Variants in KLF7 observed in about 807,000 individuals in gnomAD.
KLF7 encodes Krueppel-like factor 7.
A neutral mutation model predicts 27.3 loss-of-function variants in KLF7; 2 were observed. The observed-to-expected ratio is 0.07, with a 90% CI of 0.03 to 0.23. KLF7 has a LOEUF of 0.23. KLF7 is among the 10% of genes least tolerant of loss of function. KLF7 has a pLI of 1.00. For missense variants in KLF7, 221 were observed against 394.1 expected (o/e 0.56, Z 3.72); for synonymous variants, 165 against 162.4 (o/e 1.02, Z -0.12).
intron 3 of KLF7, among the ~76,000 whole-genome samples, chr2:207,082,216 G>A (rs1269165735): frequency 6.6e-6 from 1 of 152,156 alleles, no homozygotes; most frequent in African/African-American, 2.4e-5. Flanking sequence ...ACAGTACTCT[G>A]CTAAACAACA....
rs1429523325 is a variant in KLF7 at position 207,164,655 on chromosome 2, T to G, written c.102+812A>C. On this transcript the variant is annotated intron_variant, in intron 1 of 3. Coordinates refer to ENST00000309446, the MANE Select transcript of KLF7 (RefSeq NM_003709.4). ...GCTAGCCAACTTGGCATCGGTGCCC[T>G]TCAGCATCCTGGGAGTTTCTTAACT... 5.3e-5 allele frequency among the ~76,000 whole-genome samples: 8 copies of G among 152,194 alleles called. No homozygotes were observed. The East Asian group carries it at 1.5e-3, about 29-fold the overall frequency.
chr2:207,075,967 G>A lies in KLF7; in HGVS notation c.*5246C>T, dbSNP rs1406297393. 5 of 152,000 alleles carry A rather than the reference G, an allele frequency of 3.3e-5. No individual in the cohort carries two copies. Among genetic ancestry groups the A allele is most frequent in the Non-Finnish European group, 7.4e-5 (5 of 68,004 alleles). 9.4% of individuals were successfully genotyped at this position (152,000 alleles called of 1,614,324 possible). A position where few individuals can be genotyped will look rare whatever the true frequency, so the allele number is the denominator to read the frequency against. On this transcript the variant is annotated 3_prime_UTR_variant, in exon 4 of 4. Coordinates refer to ENST00000309446, the MANE Select transcript of KLF7 (RefSeq NM_003709.4). Reference sequence around the variant, plus strand: ...CAGTCCAAAGGCCTAGGTTTAAAATGTCCCCTCTGCCCACCCCCAACCCCT... The same window carrying A: ...CAGTCCAAAGGCCTAGGTTTAAAATATCCCCTCTGCCCACCCCCAACCCCT...
chr2:207,092,843 C>A (rs1466990266), intron 2 of KLF7, among the ~76,000 whole-genome samples: 3 of 152,076 alleles, frequency 2.0e-5, no homozygotes, highest in Non-Finnish European at 4.4e-5. Context: ...AATATATATT[C>A]AATAGACCAA....
At chr2:207,111,371 AG>A (rs1425111335) in intron 2 of KLF7, among the ~76,000 whole-genome samples, 1 of 152,218 alleles carries the variant, frequency 6.6e-6, no homozygotes, top group African/African-American at 2.4e-5. Context: ...TTTTGAGCAC[AG>A]GGTGTCCAGC....
At chr2:207,081,766 A>G (rs2076277393) in intron 3 of KLF7, among the ~76,000 whole-genome samples, 1 of 151,172 alleles carries the variant, frequency 6.6e-6, no homozygotes, top group Non-Finnish European at 1.5e-5. Flanking sequence ...CAACACCCAG[A>G]TTTCAACCCT....
chr2:207,146,961 G>C (rs1004892710), intron 1 of KLF7, among the ~76,000 whole-genome samples: 1 of 152,178 alleles, frequency 6.6e-6, no homozygotes, highest in Non-Finnish European at 1.5e-5. Context: ...TCAGCCCATG[G>C]GCTAGAAGGG....
At position 207,077,881 on chromosome 2, in the gene KLF7, C is replaced by T. The variant is rs910034777; in HGVS notation, c.*3332G>A. 3 of 152,172 alleles carry T rather than the reference C, an allele frequency of 2.0e-5. No homozygotes were observed. Among genetic ancestry groups the T allele is most frequent in the Non-Finnish European group, 4.4e-5 (3 of 68,038 alleles). The allele number at this position is 152,172 out of a possible 1,614,324, so 9.4% of individuals were successfully genotyped here. A position where few individuals can be genotyped will look rare whatever the true frequency, so the allele number is the denominator to read the frequency against. The stretch of plus-strand genomic sequence containing the variant: ...TAAAAGCGTGCTTGTTAGGACACCA[C>T]CAGAAACACCAGGCCGGGTTTTTCC... On this transcript the variant is annotated 3_prime_UTR_variant, in exon 4 of 4. Transcript: ENST00000309446.
upstream of KLF7, among the ~76,000 whole-genome samples, chr2:207,169,139 A>G (rs143858643): frequency 8.5e-4 from 130 of 152,190 alleles, no homozygotes; most frequent in African/African-American, 3.0e-3. Flanking sequence ...CTGCCTCCAA[A>G]TCGACTCCAA....
intron 1 of KLF7, among the ~76,000 whole-genome samples, chr2:207,125,510 G>A (rs1466408797): frequency 6.6e-6 from 1 of 152,094 alleles, no homozygotes; most frequent in African/African-American, 2.4e-5. Context: ...AAGCTCCTAT[G>A]TTTTCAACTG....
chr2:207,111,890 G>A (rs967923080), intron 2 of KLF7, among the ~76,000 whole-genome samples: 6 of 152,072 alleles, frequency 3.9e-5, no homozygotes, highest in African/African-American at 9.7e-5. Flanking sequence ...CAGTGAGGCC[G>A]TATAACCACA....
chr2:207,121,453 G>A (rs1177097375), intron 2 of KLF7: 1 of 152,166 alleles, frequency 6.6e-6, no homozygotes, highest in Non-Finnish European at 1.5e-5. Context: ...ACAAGTATCT[G>A]CTCATTTAAT....
chr2:207,168,850 A>G (rs916426174), upstream of KLF7, among the ~76,000 whole-genome samples: 1 of 152,238 alleles, frequency 6.6e-6, no homozygotes, highest in South Asian at 2.1e-4. Context: ...AACACATGCA[A>G]GGTATCCAGA....
At chr2:207,139,621 A>G (rs2106053142) in intron 1 of KLF7, among the ~76,000 whole-genome samples, 1 of 152,316 alleles carries the variant, frequency 6.6e-6, no homozygotes, top group East Asian at 1.9e-4. Flanking sequence ...GATCTTCTCA[A>G]GTTGGAAACC....
At chr2:207,103,100 G>T (rs2076806118) in intron 2 of KLF7, among the ~76,000 whole-genome samples, 1 of 152,038 alleles carries the variant, frequency 6.6e-6, no homozygotes, top group African/African-American at 2.4e-5. Flanking sequence ...GCTAATTTTT[G>T]TATTTTTAGT....
At chr2:207,124,496 A>G (rs2077428366) in intron 1 of KLF7, 92 bp from the exon 2 acceptor site, 6 of 1,297,900 alleles carry the variant, frequency 4.6e-6, no homozygotes, top group African/African-American at 1.5e-5. Flanking sequence ...GAAGGTGCAG[A>G]GAGAATGGTG....
At chr2:207,100,761 A>G (rs1406994741) in intron 2 of KLF7, among the ~76,000 whole-genome samples, 2 of 152,146 alleles carry the variant, frequency 1.3e-5, no homozygotes, top group East Asian at 3.8e-4. Flanking sequence ...TTTCCTGTAG[A>G]TATTTATCTT....
At position 207,165,702 on chromosome 2, in the gene KLF7, G is replaced by C; in HGVS notation, c.-134C>G. 1 of 1,483,410 alleles carries C rather than the reference G, an allele frequency of 6.7e-7. No individual in the cohort carries two copies. The highest frequency in any genetic ancestry group is 8.9e-7 in the Non-Finnish European group (1 of 1,120,928). The allele number at this position is 1,483,410 out of a possible 1,614,324, so 91.9% of individuals were successfully genotyped here. The stretch of plus-strand genomic sequence containing the variant: ...GGCCCTTTTGTTTTGTTTTGTTTCA[G>C]TCAACTAAAAAGGAAAAAAAAAAAT... On this transcript the variant is annotated 5_prime_UTR_variant, in exon 1 of 4. Transcript: ENST00000309446.
intron 2 of KLF7, among the ~76,000 whole-genome samples, chr2:207,107,696 C>T (rs868009141): frequency 2.0e-5 from 3 of 152,188 alleles, no homozygotes; most frequent in African/African-American, 7.2e-5. Context: ...CGTCACAGAC[C>T]GCTATCTGCC....
At chr2:207,100,774 T>C (rs924756090) in intron 2 of KLF7, among the ~76,000 whole-genome samples, 1 of 152,232 alleles carries the variant, frequency 6.6e-6, no homozygotes, top group Non-Finnish European at 1.5e-5. Flanking sequence ...TTTATCTTTT[T>C]ATGCCTTGAT....
Sources: allele counts gnomAD v4.1 joint callset (sites outside exome capture counted in the v4.1 genomes callset), GRCh38; gene constraint gnomAD v4.1.1; transcripts MANE v1.5; gene names NCBI Gene and HGNC (gene_info 2026-07-23, HGNC 2026-07-21).